LARP1: variants seen among roughly 807,000 people sequenced by gnomAD.
LARP1 encodes the protein La ribonucleoprotein 1, translational regulator.
LARP1 carries 36 observed loss-of-function variants against 122.7 expected under a neutral mutation model. That is an observed-to-expected ratio of 0.29 (90% confidence interval 0.22 to 0.39). The LOEUF is 0.39. Ranked by LOEUF, LARP1 falls within the 10% of genes least tolerant of loss-of-function variation. The pLI, the probability that LARP1 is intolerant of heterozygous loss-of-function variation, is 1.00. For synonymous variants in LARP1, 539 were observed against 528.7 expected, an observed-to-expected ratio of 1.02 and a Z score of -0.27; for missense variants, 1,040 against 1,403.6, an observed-to-expected ratio of 0.74 and a Z score of 4.14.
intron 4 of LARP1, among the ~76,000 whole-genome samples, chr5:154,793,291 A>G (rs752989858): frequency 8.5e-5 from 13 of 152,092 alleles, no homozygotes; most frequent in Non-Finnish European, 1.5e-4. Flanking sequence ...GCACCTGTCT[A>G]TAGGGACTCT....
intron 1 of LARP1, among the ~76,000 whole-genome samples, chr5:154,762,959 A>G (rs1304884161): frequency 6.6e-6 from 1 of 151,900 alleles, no homozygotes; most frequent in Admixed American, 6.6e-5. Flanking sequence ...GCTCTTGATA[A>G]TTCAGAGATA....
chr5:154,777,952 T>C (rs148546784), intron 1 of LARP1, among the ~76,000 whole-genome samples: 86 of 152,326 alleles, frequency 5.6e-4, no homozygotes, highest in Non-Finnish European at 8.8e-4. Context: ...GGCTCATGAC[T>C]ATACTTACTG....
At chr5:154,811,956 A>C (rs1759310151) in intron 18 of LARP1, among the ~76,000 whole-genome samples, 1 of 152,204 alleles carries the variant, frequency 6.6e-6, no homozygotes, top group Admixed American at 6.5e-5. Context: ...TGGGTATCCA[A>C]GATACACACA....
intron 1 of LARP1, among the ~76,000 whole-genome samples, chr5:154,748,231 G>A (rs925026905): frequency 1.3e-5 from 2 of 152,124 alleles, no homozygotes; most frequent in African/African-American, 4.8e-5. Context: ...TTAGCACTTG[G>A]CCTTTGACAG....
chr5:154,748,701 C>T (rs535636898), intron 1 of LARP1, among the ~76,000 whole-genome samples: 1 of 152,326 alleles, frequency 6.6e-6, no homozygotes, highest in African/African-American at 2.4e-5. Flanking sequence ...ATATACATCT[C>T]ACTTAAGGCT....
At chr5:154,736,509 G>A (rs886370721) in intron 1 of LARP1, among the ~76,000 whole-genome samples, 2 of 151,682 alleles carry the variant, frequency 1.3e-5, no homozygotes, top group Non-Finnish European at 2.9e-5. Flanking sequence ...TAGATTACAA[G>A]CTTGAGCCAC....
rs1487589316 is a variant in LARP1, at chr5:154,808,444, T to C, written c.2699-15T>C. On this transcript the variant is annotated splice_polypyrimidine_tract_variant and intron_variant, in intron 15 of 18. Transcript: ENST00000518297. ...TGAACCTGAGACATGCCTTTCCTCCTTTCTTTCCCATCAGAGCGGAAACGC... is the reference window on the plus strand; with the variant it reads ...TGAACCTGAGACATGCCTTTCCTCCCTTCTTTCCCATCAGAGCGGAAACGC... 4 of 1,609,292 alleles carry C rather than the reference T, an allele frequency of 2.5e-6. No homozygotes were observed. Among genetic ancestry groups the C allele is most frequent in the East Asian group, 2.2e-5 (1 of 44,626 alleles).
intron 14 of LARP1, 49 bp from the exon 15 acceptor site, chr5:154,805,832 G>A (rs865838452): frequency 3.1e-6 from 5 of 1,589,758 alleles, no homozygotes; most frequent in Middle Eastern, 2.0e-4. Context: ...CTGACATGGT[G>A]GGGCTGCTGT....
intron 1 of LARP1, among the ~76,000 whole-genome samples, chr5:154,728,181 C>T (rs1191188686): frequency 1.3e-5 from 2 of 152,128 alleles, no homozygotes; most frequent in Admixed American, 1.3e-4. Flanking sequence ...TCCCAGATCC[C>T]ACTCTGTAGA....
chr5:154,785,180 G>T (rs1177986562), intron 1 of LARP1, among the ~76,000 whole-genome samples: 18 of 152,344 alleles, frequency 1.2e-4, no homozygotes, highest in African/African-American at 4.3e-4. Flanking sequence ...CTGGGGCCCA[G>T]GTGCCTCCTG....
In LARP1 at chr5:154,685,898, C is replaced by G. The variant is rs1211381122; in HGVS notation, c.-180+2861C>G. ...AAACTGTACAGCCCTAAGTGGGAGCCCTACTGCTAATGCTTCCCCAAGCTA... is the reference window on the plus strand; with the variant it reads ...AAACTGTACAGCCCTAAGTGGGAGCGCTACTGCTAATGCTTCCCCAAGCTA... On this transcript the variant is annotated intron_variant, in intron 1 of 18. Coordinates refer to the LARP1 transcript ENST00000687700. 6.1e-6 allele frequency: 3 copies of G among 489,518 alleles called. No individual in the cohort carries two copies. The East Asian group carries it at 1.8e-4, about 29-fold the overall frequency. The allele number at this position is 489,518 out of a possible 1,614,324, so 30.3% of individuals were successfully genotyped here. A position where few individuals can be genotyped will look rare whatever the true frequency, so the allele number is the denominator to read the frequency against.
At chr5:154,797,162 T>G (rs1252467879) in intron 8 of LARP1, among the ~76,000 whole-genome samples, 2 of 151,856 alleles carry the variant, frequency 1.3e-5, no homozygotes, top group South Asian at 4.2e-4. Context: ...TTCTAGATGA[T>G]TTTTTTGTTT....
intron 1 of LARP1, 151 bp downstream of exon 1, chr5:154,756,344 C>A: frequency 1.1e-6 from 1 of 943,770 alleles, no homozygotes; most frequent in Non-Finnish European, 1.3e-6. Context: ...TCCTGGTCGC[C>A]GCGCCCTCCC....
At chr5:154,759,951 G>GT (rs543142946) in intron 1 of LARP1, among the ~76,000 whole-genome samples, 1 of 107,168 alleles carries the variant, frequency 9.3e-6, no homozygotes, top group East Asian at 2.8e-4. Flanking sequence ...TTGTTTGTTT[G>GT]TTTTTTTGGA....
chr5:154,690,486 A>T (rs925932503), intron 1 of LARP1, among the ~76,000 whole-genome samples: 1 of 152,202 alleles, frequency 6.6e-6, no homozygotes, highest in Middle Eastern at 3.2e-3. Context: ...ATTTTCACCG[A>T]TTTAAAATGA....
chr5:154,689,714 T>C (rs779272190), intron 1 of LARP1, among the ~76,000 whole-genome samples: 1 of 152,164 alleles, frequency 6.6e-6, no homozygotes, highest in Admixed American at 6.5e-5. Context: ...TCTAATTCTG[T>C]TCATCTTGCC....
intron 1 of LARP1, among the ~76,000 whole-genome samples, chr5:154,707,617 C>A (rs1405783888): frequency 1.3e-5 from 2 of 152,162 alleles, no homozygotes; most frequent in African/African-American, 4.8e-5. Context: ...TTGTGGAAGA[C>A]AATTTTTCCA....
intron 1 of LARP1, among the ~76,000 whole-genome samples, chr5:154,719,240 G>C (rs1755705148): frequency 6.6e-6 from 1 of 152,118 alleles, no homozygotes; most frequent in African/African-American, 2.4e-5. Context: ...ATTTTCCTCA[G>C]GTTCAGAGAG....
chr5:154,780,520 AGAGCTCTAGATTGG>A, intron 1 of LARP1, among the ~76,000 whole-genome samples: 1 of 152,310 alleles, frequency 6.6e-6, no homozygotes, highest in East Asian at 1.9e-4. Context: ...GGTTTGCCAA[AGAGCTCTAGATTGG>A]GAGACAAGAA....
Sources: allele counts gnomAD v4.1 joint callset (sites outside exome capture counted in the v4.1 genomes callset), GRCh38; gene constraint gnomAD v4.1.1; transcripts MANE v1.5; gene names NCBI Gene and HGNC (gene_info 2026-07-23, HGNC 2026-07-21).